The following LMX1A variants were observed in gnomAD, a reference collection of about 807,000 sequenced individuals.
LMX1A encodes the protein LIM homeobox transcription factor 1 alpha.
In LMX1A, 15 loss-of-function variants were observed where a neutral mutation model predicts 49.1. The observed-to-expected ratio is 0.31, with a 90% CI of 0.20 to 0.47. The LOEUF is 0.47. Among genes scored for constraint, LMX1A ranks in the 20% least tolerant of loss-of-function variants. LMX1A has a pLI of 1.00. For synonymous variants in LMX1A, 167 were observed against 185.7 expected (o/e 0.90, Z 0.82); for missense variants, 372 against 475.8 (o/e 0.78, Z 2.03).
intron 3 of LMX1A, among the ~76,000 whole-genome samples, chr1:165,314,609 CT>C (rs796732524): frequency 1.0e-3 from 158 of 151,568 alleles, no homozygotes; most frequent in African/African-American, 3.4e-3. Context: ...CTTCCAATAT[CT>C]TTTTTTTTAT....
intron 3 of LMX1A, among the ~76,000 whole-genome samples, chr1:165,298,351 G>A (rs1379490406): frequency 6.6e-6 from 1 of 152,214 alleles, no homozygotes; most frequent in Non-Finnish European, 1.5e-5. Context: ...AGGCCCGTCA[G>A]GGAGAAAGTA....
At chr1:165,243,597 A>C (rs1005997110) in intron 4 of LMX1A, among the ~76,000 whole-genome samples, 94 of 152,348 alleles carry the variant, frequency 6.2e-4, no homozygotes, top group African/African-American at 2.2e-3. Flanking sequence ...GAAAAGACAA[A>C]ACTTAGAAAA....
chr1:165,213,594 C>T (rs368026152), intron 5 of LMX1A, 47 bp downstream of exon 5: 167 of 1,557,824 alleles, frequency 1.1e-4, no homozygotes, highest in Non-Finnish European at 1.4e-4. Flanking sequence ...TGAGTGCACA[C>T]AGAGAAGTGG....
At chr1:165,298,530 T>G (rs1654687567) in intron 3 of LMX1A, among the ~76,000 whole-genome samples, 1 of 152,178 alleles carries the variant, frequency 6.6e-6, no homozygotes, top group African/African-American at 2.4e-5. Context: ...GAATGATATT[T>G]TACCTGCCAT....
At chr1:165,289,098 A>G (rs1330616861) in intron 3 of LMX1A, among the ~76,000 whole-genome samples, 5 of 152,136 alleles carry the variant, frequency 3.3e-5, no homozygotes, top group Non-Finnish European at 7.4e-5. Context: ...GCCTTCATCT[A>G]ATCTTTTGTG....
chr1:165,230,623 G>T (rs769281851), intron 4 of LMX1A, among the ~76,000 whole-genome samples: 39 of 152,182 alleles, frequency 2.6e-4, no homozygotes, highest in Non-Finnish European at 3.5e-4. Context: ...CCCTCCAGCT[G>T]CCCCTTGCTG....
chr1:165,262,051 T>A (rs1054687791), intron 3 of LMX1A, among the ~76,000 whole-genome samples: 6 of 152,286 alleles, frequency 3.9e-5, no homozygotes, highest in African/African-American at 1.4e-4. Flanking sequence ...CATACTTTTT[T>A]AAAAATAAAA....
chr1:165,301,029 A>T (rs1654759509), intron 3 of LMX1A, among the ~76,000 whole-genome samples: 1 of 152,186 alleles, frequency 6.6e-6, no homozygotes, highest in African/African-American at 2.4e-5. Context: ...TATTTATGAA[A>T]TCATAGGAAA....
intron 4 of LMX1A, among the ~76,000 whole-genome samples, chr1:165,237,115 C>A (rs919218314): frequency 2.6e-5 from 4 of 152,198 alleles, no homozygotes; most frequent in African/African-American, 9.7e-5. Context: ...AATCCTTGCC[C>A]AATGTAAATG....
chr1:165,269,917 T>C (rs1653746091), intron 3 of LMX1A, among the ~76,000 whole-genome samples: 2 of 151,804 alleles, frequency 1.3e-5, no homozygotes, highest in African/African-American at 4.8e-5. Context: ...AGGGAGAGCA[T>C]TAGGGAAAAG....
chr1:165,247,000 G>A (rs915484991), intron 4 of LMX1A, among the ~76,000 whole-genome samples: 1 of 137,818 alleles, frequency 7.3e-6, no homozygotes, highest in Admixed American at 7.9e-5. Flanking sequence ...CCCTGGTACT[G>A]AGCATTATAA....
intron 3 of LMX1A, among the ~76,000 whole-genome samples, chr1:165,338,986 CAT>C (rs2101760283): frequency 6.6e-6 from 1 of 152,350 alleles, no homozygotes; most frequent in East Asian, 1.9e-4. Context: ...CCATTGCACA[CAT>C]CAGGCTGTTT....
intron 3 of LMX1A, among the ~76,000 whole-genome samples, chr1:165,308,857 G>A (rs537953232): frequency 1.3e-5 from 2 of 152,298 alleles, no homozygotes; most frequent in South Asian, 4.1e-4. Context: ...TGTGTCATCT[G>A]GAGGGGTGAT....
intron 6 of LMX1A, among the ~76,000 whole-genome samples, chr1:165,209,445 A>G (rs1651270546): frequency 6.6e-6 from 1 of 152,236 alleles, no homozygotes; most frequent in Non-Finnish European, 1.5e-5. Context: ...AGGTATGATT[A>G]GATGGTTGGA....
intron 4 of LMX1A, among the ~76,000 whole-genome samples, chr1:165,229,945 A>T (rs572340248): frequency 7.9e-5 from 12 of 152,184 alleles, no homozygotes; most frequent in Non-Finnish European, 1.3e-4. Context: ...TGAAATCCTA[A>T]GCTCTAATGT....
At position 165,208,067 on chromosome 1, in the gene LMX1A, G is replaced by A. The variant is rs1178623588; in HGVS notation, c.813C>T (p.Ser271=). Residue 271 remains serine (S), a synonymous_variant, in exon 7 of 9, where the codon AGC becomes AGT. Coordinates refer to ENST00000342310, the MANE Select transcript of LMX1A (RefSeq NM_177398.4). ...QQDQQNTQRL[S]SAQTNGGGSA... ...TGGGAGGAGGCACCAGCTTACCAGA[G>A]CTCAGCCTCTGGGTGTTCTGCTGAT... 1 of 1,613,876 alleles carries A rather than the reference G, an allele frequency of 6.2e-7. No individual in the cohort carries two copies. The highest frequency in any genetic ancestry group is 8.5e-7 in the Non-Finnish European group (1 of 1,179,944).
chr1:165,253,133 G>A (rs1217215689), intron 3 of LMX1A, among the ~76,000 whole-genome samples: 2 of 152,186 alleles, frequency 1.3e-5, no homozygotes, highest in African/African-American at 4.8e-5. Context: ...ATACAAGACA[G>A]ACAAATCCTT....
Position 165,355,074 on chromosome 1 carries a change from G to T in LMX1A, c.76+410C>A, listed in dbSNP as rs1196415089. ...TTGGGGCTGGAGTTGGTGGGGGAGAGAAGCCTCCTCGAACTTGGGCGCTCC... is the reference window on the plus strand; with the variant it reads ...TTGGGGCTGGAGTTGGTGGGGGAGATAAGCCTCCTCGAACTTGGGCGCTCC... On this transcript the variant is annotated intron_variant, in intron 2 of 8. Transcript: ENST00000342310. This position sits in a 1 kb window ranked among gnomAD's most constrained non-coding sequence, Gnocchi z 4.7. 6.6e-6 allele frequency among the ~76,000 whole-genome samples: 1 copy of T among 152,174 alleles called. No homozygotes were observed. The highest frequency in any genetic ancestry group is 6.5e-5 in the Admixed American group (1 of 15,288).
chr1:165,321,028 G>T (rs956811545), intron 3 of LMX1A, among the ~76,000 whole-genome samples: 4 of 152,050 alleles, frequency 2.6e-5, no homozygotes, highest in Non-Finnish European at 5.9e-5. Flanking sequence ...AACAAAATGT[G>T]GTACATCCAT....
Sources: allele counts gnomAD v4.1 joint callset (sites outside exome capture counted in the v4.1 genomes callset), GRCh38; gene constraint gnomAD v4.1.1; non-coding constraint Gnocchi (gnomAD v3.1); transcripts MANE v1.5; gene names NCBI Gene and HGNC (gene_info 2026-07-23, HGNC 2026-07-21).